RYR2: variants seen among roughly 807,000 people sequenced by gnomAD.
RYR2 encodes cardiac muscle ryanodine receptor-calcium release channel.
In RYR2, 227 loss-of-function variants were observed where a neutral mutation model predicts 601.1. That is an observed-to-expected ratio of 0.38 (90% CI 0.34 to 0.42). RYR2 has a LOEUF of 0.42. RYR2 is among the 10% of genes least tolerant of loss of function. The pLI is 1.00. For missense variants in RYR2, 4,646 were observed against 6,156.5 expected (o/e 0.75, Z 8.21); for synonymous variants, 2,223 against 2,175.1 (o/e 1.02, Z -0.61).
At chr1:237,640,819 C>A in intron 46 of RYR2, 78 bp from the exon 47 acceptor site, 1 of 1,151,340 alleles carries the variant, frequency 8.7e-7, no homozygotes, top group Non-Finnish European at 1.3e-6. Context: ...TAGTCCCTTT[C>A]CTCGGAGAGA....
chr1:237,522,172 A>G (rs368495584), intron 24 of RYR2, among the ~76,000 whole-genome samples: 21 of 152,114 alleles, frequency 1.4e-4, no homozygotes, highest in African/African-American at 4.3e-4. Flanking sequence ...GCTGTTTTCT[A>G]TGCCTGGCTC....
Position 237,387,298 on chromosome 1 carries a change from C to T in RYR2, c.594C>T (p.Asn198=), listed in dbSNP as rs727504676. The change falls in exon 9 of 105, where the codon AAC becomes AAT. Residue 198 remains asparagine, a synonymous_variant. Coordinates refer to ENST00000366574, the MANE Select transcript of RYR2 (RefSeq NM_001035.3). ...SERYLHLSYG[N]GSLHVDAAFQ... The stretch of plus-strand genomic sequence containing the variant: ...TGATACAGCACTTGTCTTATGGCAA[C>T]GGCAGCTTACACGTGGATGCCGCTT... The T allele has an allele frequency of 1.8e-4, 283 of 1,613,998 alleles. 4 individuals are homozygous for T. The South Asian group carries it at 1.8e-3, about 11-fold the overall frequency.
chr1:237,556,095 A>G (rs1160774124), intron 27 of RYR2, among the ~76,000 whole-genome samples: 2 of 152,110 alleles, frequency 1.3e-5, no homozygotes, highest in African/African-American at 4.8e-5. Flanking sequence ...ATTTGTAGCT[A>G]ATACGTATTA....
intron 98 of RYR2, among the ~76,000 whole-genome samples, chr1:237,804,484 G>C (rs1054494109): frequency 1.3e-5 from 2 of 151,896 alleles, no homozygotes; most frequent in Admixed American, 6.6e-5. Flanking sequence ...CCCCAAATGG[G>C]TGGTTTCTGA....
intron 1 of RYR2, among the ~76,000 whole-genome samples, chr1:237,065,645 C>G (rs1264125943): frequency 6.6e-6 from 1 of 152,136 alleles, no homozygotes; most frequent in African/African-American, 2.4e-5. Flanking sequence ...CCCATGGGAG[C>G]CACTGTTTTG....
At chr1:237,670,230 A>G (rs935527866) in intron 58 of RYR2, among the ~76,000 whole-genome samples, 2 of 148,542 alleles carry the variant, frequency 1.3e-5, no homozygotes, top group African/African-American at 4.9e-5. Flanking sequence ...GTGAGCCGAG[A>G]TGGCAGCTGT....
rs952440111 is a variant in RYR2, at chr1:237,636,849, C to G, written c.6793-1508C>G. On this transcript the variant is annotated intron_variant, in intron 44 of 104. Coordinates refer to ENST00000366574, the MANE Select transcript of RYR2 (RefSeq NM_001035.3). ...TACCCATATACGGTGAAATGTCATC[C>G]CACAATAAAAAAGAATGAATTGCTG... Among the ~76,000 whole-genome samples the G allele has an allele frequency of 2.0e-5, 3 of 147,720 alleles. No homozygotes were observed. In the Admixed American group the frequency reaches 2.1e-4, roughly 10 times the overall value.
intron 1 of RYR2, among the ~76,000 whole-genome samples, chr1:237,103,422 A>G (rs1312986164): frequency 6.6e-6 from 1 of 152,182 alleles, no homozygotes; most frequent in Non-Finnish European, 1.5e-5. Context: ...AACCTGAAGT[A>G]AGCAACGTGA....
intron 10 of RYR2, among the ~76,000 whole-genome samples, chr1:237,394,616 C>T (rs986721713): frequency 7.9e-5 from 12 of 152,192 alleles, no homozygotes; most frequent in African/African-American, 2.7e-4. Flanking sequence ...TAATTTCACT[C>T]TGAAATAACC....
chr1:237,173,357 A>C (rs776901607), intron 1 of RYR2, among the ~76,000 whole-genome samples: 4 of 152,142 alleles, frequency 2.6e-5, no homozygotes, highest in Non-Finnish European at 4.4e-5. Flanking sequence ...CAAATTACTT[A>C]ATCTCTCCAA....
chr1:237,628,507 G>A (rs1679918617), intron 41 of RYR2, among the ~76,000 whole-genome samples: 1 of 151,688 alleles, frequency 6.6e-6, no homozygotes, highest in South Asian at 2.1e-4. Context: ...TACTGAGAAT[G>A]ATGATTTCCA....
At chr1:237,542,543 T>C (rs1669412962) in intron 25 of RYR2, among the ~76,000 whole-genome samples, 1 of 152,190 alleles carries the variant, frequency 6.6e-6, no homozygotes, top group South Asian at 2.1e-4. Context: ...TTCGACTGAA[T>C]TGTCTTCATT....
chr1:237,336,529 T>C (rs1056078897), intron 3 of RYR2, among the ~76,000 whole-genome samples: 3 of 152,170 alleles, frequency 2.0e-5, no homozygotes, highest in Non-Finnish European at 4.4e-5. Flanking sequence ...CCAGCTTTTA[T>C]GAAAAATGGA....
At position 237,631,546 on chromosome 1, in the gene RYR2, C is replaced by T. The variant is rs758120433; in HGVS notation, c.6555+5C>T. On this transcript the variant is annotated splice_donor_5th_base_variant and intron_variant, in intron 42 of 104. Transcript: ENST00000366574. ...CTTGGAGGTGGAGAGTCCAAGGTAA[C>T]GTCTTTGATTCCTGAGATGCTATTT... 4.0e-6 allele frequency: 6 copies of T among 1,511,618 alleles called. No homozygotes were observed. Among genetic ancestry groups the T allele is most frequent in the South Asian group, 2.3e-5 (2 of 86,310 alleles). The allele number at this position is 1,511,618 out of a possible 1,614,324, so 93.6% of individuals were successfully genotyped here.
chr1:237,380,384 A>G (rs1234310569), intron 8 of RYR2, among the ~76,000 whole-genome samples: 3 of 20,934 alleles, frequency 1.4e-4, no homozygotes, highest in African/African-American at 5.2e-4. Flanking sequence ...ATATATATAT[A>G]TATATATATA....
chr1:237,108,661 G>C (rs182278988), intron 1 of RYR2, among the ~76,000 whole-genome samples: 1 of 152,174 alleles, frequency 6.6e-6, no homozygotes, highest in Non-Finnish European at 1.5e-5. Flanking sequence ...GTGTAGGGGC[G>C]TGGAGGCTGC....
intron 1 of RYR2, among the ~76,000 whole-genome samples, chr1:237,102,137 C>A (rs1558235561): frequency 6.6e-6 from 1 of 152,130 alleles, no homozygotes; most frequent in Non-Finnish European, 1.5e-5. Flanking sequence ...TCGTGGTAGA[C>A]TGGGGCTGAG....
At chr1:237,232,568 G>C (rs915915224) in intron 1 of RYR2, among the ~76,000 whole-genome samples, 1 of 151,908 alleles carries the variant, frequency 6.6e-6, no homozygotes, top group Non-Finnish European at 1.5e-5. Flanking sequence ...TCTGAGTTTC[G>C]TGAGCCACTC....
At chr1:237,781,413 C>A (rs2149344452) in intron 88 of RYR2, among the ~76,000 whole-genome samples, 152 bp from the exon 89 acceptor site, 1 of 152,336 alleles carries the variant, frequency 6.6e-6, no homozygotes, top group East Asian at 1.9e-4. Flanking sequence ...TAAAGTATAA[C>A]TATTTTTAAT....
Sources: gnomAD v4.1 joint callset for allele counts (sites outside exome capture counted in the v4.1 genomes callset) on GRCh38, gnomAD v4.1.1 for gene constraint, MANE v1.5 for transcripts, NCBI Gene and HGNC (gene_info 2026-07-23, HGNC 2026-07-21) for gene names.